The following ACOXL variants were observed in gnomAD, a reference collection of about 807,000 sequenced individuals.
The protein encoded by ACOXL is acyl-coenzyme A oxidase-like protein.
ACOXL carries 70 observed loss-of-function variants against 71.9 expected under a neutral mutation model. The observed-to-expected ratio is 0.97, with a 90% CI of 0.80 to 1.19. ACOXL has a LOEUF of 1.19. ACOXL is among the 50% of genes most tolerant of loss of function. The pLI, the probability that ACOXL is intolerant of heterozygous loss-of-function variation, is 0.00. For missense variants in ACOXL, 703 were observed against 736.3 expected, an observed-to-expected ratio of 0.95 and a Z score of 0.52; for synonymous variants, 253 against 281.6, an observed-to-expected ratio of 0.90 and a Z score of 1.02.
chr2:111,000,945 T>G (rs772500787), intron 14 of ACOXL, among the ~76,000 whole-genome samples: 2 of 152,160 alleles, frequency 1.3e-5, no homozygotes, highest in Non-Finnish European at 2.9e-5. Flanking sequence ...AGTGCTAAAA[T>G]TAAAAAATTA....
intron 14 of ACOXL, among the ~76,000 whole-genome samples, chr2:110,998,007 C>T (rs181564811): frequency 2.0e-4 from 31 of 151,460 alleles, no homozygotes; most frequent in African/African-American, 5.4e-4. Context: ...GCCAAGATCA[C>T]ACCACTGCAC....
rs559711760 is a variant in ACOXL, at chr2:110,806,748, C to T, written c.753+1353C>T. Among the ~76,000 whole-genome samples, 16 of 152,276 alleles carry T rather than the reference C, an allele frequency of 1.1e-4. 1 individual carries two copies. The highest frequency in any genetic ancestry group is 8.3e-4 in the South Asian group (4 of 4,814). On this transcript the variant is annotated intron_variant, in intron 9 of 17. Coordinates refer to ENST00000439055, the MANE Select transcript of ACOXL (RefSeq NM_001142807.4). The stretch of plus-strand genomic sequence containing the variant: ...GCGCATATAAAAAACGCAAGGTGGT[C>T]AGCGGCCAGGCAGGCTCCTGGGAAA...
chr2:110,884,819 G>A lies in ACOXL; in HGVS notation c.789-23970G>A, dbSNP rs1001822304. On this transcript the variant is annotated intron_variant, in intron 10 of 17. Transcript: ENST00000439055. ...TAAAAGTGAATTTCAAGGTGTTACC[G>A]ATAAAGTTGGTTTTTTCCGTTCAGC... Among the ~76,000 whole-genome samples, 6 of 152,130 alleles carry A rather than the reference G, an allele frequency of 3.9e-5. No individual in the cohort carries two copies. The East Asian group carries it at 7.7e-4, about 20-fold the overall frequency.
intron 14 of ACOXL, among the ~76,000 whole-genome samples, chr2:111,012,430 C>T (rs1414653088): frequency 6.6e-6 from 1 of 152,178 alleles, no homozygotes; most frequent in East Asian, 1.9e-4. Context: ...TGGAATCAGA[C>T]TTACAGTATC....
chr2:110,812,670 C>T (rs1403723627), intron 9 of ACOXL, among the ~76,000 whole-genome samples: 3 of 152,182 alleles, frequency 2.0e-5, no homozygotes, highest in Admixed American at 6.5e-5. Flanking sequence ...CCTCAAAGAC[C>T]GAAGAGCTAG....
At chr2:111,101,109 A>T (rs2069127348) in intron 17 of ACOXL, 1 of 152,648 alleles carries the variant, frequency 6.6e-6, no homozygotes. Flanking sequence ...AGTGTGGTAG[A>T]CACCAGGCCC....
chr2:110,887,566 T>C (rs1404444279), intron 10 of ACOXL: 1 of 152,428 alleles, frequency 6.6e-6, no homozygotes, highest in East Asian at 1.9e-4. Context: ...GCAATCCTCC[T>C]GCCACAGCCA....
At chr2:110,864,237 A>T (rs1694290483) in intron 10 of ACOXL, among the ~76,000 whole-genome samples, 1 of 152,024 alleles carries the variant, frequency 6.6e-6, no homozygotes, top group African/African-American at 2.4e-5. Context: ...ATAGTGGGAG[A>T]TGGGAAAGGG....
chr2:110,989,997 G>A lies in ACOXL; in HGVS notation c.1169+2780G>A, dbSNP rs540481703. Among the ~76,000 whole-genome samples the A allele has an allele frequency of 8.5e-5, 13 of 152,132 alleles. 1 individual carries two copies. Among genetic ancestry groups the A allele is most frequent in the African/African-American group, 2.4e-4 (10 of 41,484 alleles). ...GGAGGTTGCAGTGAGCCAAGATTGC[G>A]CCATTGCACTCCAGGCTGGGCAACA... On this transcript the variant is annotated intron_variant, in intron 13 of 17. Transcript: ENST00000439055.
chr2:110,999,367 T>G (rs983725708), intron 14 of ACOXL, among the ~76,000 whole-genome samples: 3 of 152,162 alleles, frequency 2.0e-5, no homozygotes, highest in African/African-American at 7.2e-5. Context: ...CCTGAGGTAC[T>G]AGGAGTTGGG....
intron 12 of ACOXL, among the ~76,000 whole-genome samples, chr2:110,944,084 G>A (rs1558767073): frequency 6.6e-6 from 1 of 152,028 alleles, no homozygotes; most frequent in Non-Finnish European, 1.5e-5. Flanking sequence ...TTTTGAGACA[G>A]TCTTGCTCTG....
intron 11 of ACOXL, among the ~76,000 whole-genome samples, chr2:110,920,034 A>G (rs1220362666): frequency 6.6e-6 from 1 of 152,206 alleles, no homozygotes; most frequent in Non-Finnish European, 1.5e-5. Context: ...ACTATTCTCA[A>G]CAAGTTTTTG....
chr2:110,924,891 T>C (rs2060216393), intron 11 of ACOXL, among the ~76,000 whole-genome samples: 1 of 152,060 alleles, frequency 6.6e-6, no homozygotes, highest in African/African-American at 2.4e-5. Context: ...CCTTATGAAA[T>C]GTATTTAATA....
chr2:111,059,241 AAATAAT>A (rs1241462258), intron 16 of ACOXL, among the ~76,000 whole-genome samples: 1 of 152,204 alleles, frequency 6.6e-6, no homozygotes, highest in East Asian at 1.9e-4. Flanking sequence ...TGTCTCTATA[AAATAAT>A]AATAATAGTA....
At chr2:110,808,891 G>T (rs1340341243) in intron 9 of ACOXL, among the ~76,000 whole-genome samples, 1 of 152,194 alleles carries the variant, frequency 6.6e-6, no homozygotes, top group South Asian at 2.1e-4. Flanking sequence ...CGCAGCTGGG[G>T]CCCTGCCAGC....
intron 9 of ACOXL, among the ~76,000 whole-genome samples, chr2:110,829,416 C>T (rs1215476696): frequency 3.3e-5 from 5 of 152,122 alleles, no homozygotes; most frequent in African/African-American, 9.7e-5. Context: ...GGTTACTCCT[C>T]GGGAAGTTGG....
At chr2:110,967,751 A>G (rs921445987) in intron 12 of ACOXL, 2 of 548,712 alleles carry the variant, frequency 3.6e-6, no homozygotes, top group Admixed American at 3.0e-5. Context: ...CAAATCAGAA[A>G]GGATATGAAA....
At chr2:111,114,009 T>C (rs2070165384) in intron 17 of ACOXL, 1 of 152,692 alleles carries the variant, frequency 6.5e-6, no homozygotes, top group Non-Finnish European at 1.5e-5. Context: ...TGATTCCTTA[T>C]AGCAAGTAAG....
chr2:110,829,988 T>C (rs1248854318), intron 9 of ACOXL, among the ~76,000 whole-genome samples: 1 of 152,196 alleles, frequency 6.6e-6, no homozygotes. Flanking sequence ...GGCTGGTGTT[T>C]TAATATGTCC....
Sources: allele counts gnomAD v4.1 joint callset (sites outside exome capture counted in the v4.1 genomes callset), GRCh38; gene constraint gnomAD v4.1.1; transcripts MANE v1.5; gene names NCBI Gene and HGNC (gene_info 2026-07-23, HGNC 2026-07-21).